The following PAG1 variants were observed in gnomAD, a reference collection of about 807,000 sequenced individuals.
The protein encoded by PAG1 is phosphoprotein associated with glycosphingolipid-enriched microdomains 1.
A neutral mutation model predicts 31.7 loss-of-function variants in PAG1; 23 were observed. That is an observed-to-expected ratio of 0.73 (90% CI 0.52 to 1.03). PAG1 has a LOEUF of 1.03. PAG1 is among the 50% of genes least tolerant of loss of function. The pLI is 0.00. For synonymous variants in PAG1, 214 were observed against 210.3 expected (o/e 1.02, Z -0.15); for missense variants, 473 against 540.7 (o/e 0.87, Z 1.24).
At position 80,987,349 on chromosome 8, in the gene PAG1, T is replaced by C. The variant is rs1807445514; in HGVS notation, c.274+21A>G. ...AGGTGATGAGGCCTGTGTGGAAAGC[T>C]GGTGTTTTTGCAGAACTTACTGTCC... On this transcript the variant is annotated intron_variant, in intron 6 of 8. Coordinates refer to ENST00000220597, the MANE Select transcript of PAG1 (RefSeq NM_018440.4). 5 of 1,482,284 alleles carry C rather than the reference T, an allele frequency of 3.4e-6. No homozygotes were observed. The South Asian group carries it at 3.4e-5, about 10-fold the overall frequency. The allele number at this position is 1,482,284 out of a possible 1,614,324, so 91.8% of individuals were successfully genotyped here. A position where few individuals can be genotyped will look rare whatever the true frequency, so the allele number is the denominator to read the frequency against.
intron 3 of PAG1, among the ~76,000 whole-genome samples, chr8:81,004,327 C>G (rs1035386215): frequency 6.6e-6 from 1 of 152,168 alleles, no homozygotes; most frequent in African/African-American, 2.4e-5. Context: ...ATAAGAGATT[C>G]TGGAAAGCTT....
At chr8:81,072,362 C>T (rs1407824857) in intron 1 of PAG1, among the ~76,000 whole-genome samples, 1 of 152,198 alleles carries the variant, frequency 6.6e-6, no homozygotes, top group African/African-American at 2.4e-5. Context: ...TGCTCTAAAA[C>T]AGGGCTTTCA....
intron 2 of PAG1, among the ~76,000 whole-genome samples, chr8:81,066,585 G>A (rs1297487711): frequency 2.0e-5 from 3 of 152,150 alleles, no homozygotes; most frequent in African/African-American, 4.8e-5. Context: ...AATATGAAGT[G>A]TAAAACCATA....
At chr8:81,045,356 T>C (rs571746569) in intron 2 of PAG1, among the ~76,000 whole-genome samples, 13 of 152,290 alleles carry the variant, frequency 8.5e-5, no homozygotes, top group African/African-American at 2.6e-4. Context: ...AAACTAGATT[T>C]TGCCATCAGC....
intron 1 of PAG1, among the ~76,000 whole-genome samples, chr8:81,094,128 G>A (rs1015288764): frequency 2.0e-5 from 3 of 152,160 alleles, no homozygotes; most frequent in Admixed American, 2.0e-4. Flanking sequence ...ATGTTTTCTT[G>A]TCTTTTTTTG....
At chr8:80,992,177 G>C (rs974938233) in intron 4 of PAG1, among the ~76,000 whole-genome samples, 1 of 152,168 alleles carries the variant, frequency 6.6e-6, no homozygotes, top group Non-Finnish European at 1.5e-5. Context: ...GGGAAGCCCC[G>C]GCCCTGCGGC....
chr8:80,991,809 G>A (rs1807554435), intron 4 of PAG1, among the ~76,000 whole-genome samples: 1 of 151,846 alleles, frequency 6.6e-6, no homozygotes, highest in African/African-American at 2.4e-5. Context: ...ACCGAGGCCT[G>A]GGCCTGCGTA....
chr8:81,034,155 T>C (rs1563637046), intron 2 of PAG1, among the ~76,000 whole-genome samples: 1 of 152,250 alleles, frequency 6.6e-6, no homozygotes, highest in Non-Finnish European at 1.5e-5. Context: ...CCCCACTTGA[T>C]ACTTGAATCC....
chr8:80,974,032 G>C lies in PAG1; in HGVS notation c.*2512C>G, dbSNP rs921474000. On this transcript the variant is annotated 3_prime_UTR_variant, in exon 9 of 9. Transcript: ENST00000220597. ...CTAACCACTGGTTCTCAAATTAAAA[G>C]GTATATTTCAGTGCATATTTCATAG... is the stretch of plus-strand genomic sequence containing the variant. The C allele has an allele frequency of 4.0e-5, 6 of 151,748 alleles. No homozygotes were observed. Among genetic ancestry groups the C allele is most frequent in the Non-Finnish European group, 8.8e-5 (6 of 67,984 alleles). 9.4% of individuals were successfully genotyped at this position (151,748 alleles called of 1,614,324 possible). A position where few individuals can be genotyped will look rare whatever the true frequency, so the allele number is the denominator to read the frequency against.
Position 80,993,937 on chromosome 8 carries a change from C to T in PAG1, c.-80-630G>A, listed in dbSNP as rs527432042. ...TCTTAATGTCTTCAAATAAAGATTT[C>T]AAGTACTCCATAGCAAATAAATCCA... On this transcript the variant is annotated intron_variant, in intron 3 of 8. Coordinates refer to ENST00000220597, the MANE Select transcript of PAG1 (RefSeq NM_018440.4). Among the ~76,000 whole-genome samples the T allele has an allele frequency of 2.0e-5, 3 of 152,180 alleles. No individual in the cohort carries two copies. The South Asian group carries it at 6.2e-4, about 32-fold the overall frequency.
At chr8:81,090,014 A>G (rs1177780580) in intron 1 of PAG1, among the ~76,000 whole-genome samples, 5 of 152,216 alleles carry the variant, frequency 3.3e-5, no homozygotes, top group Non-Finnish European at 5.9e-5. Flanking sequence ...ATGCATTTCA[A>G]TAGTTCTATA....
chr8:81,063,009 T>A (rs1329997260), intron 2 of PAG1, among the ~76,000 whole-genome samples: 1 of 152,058 alleles, frequency 6.6e-6, no homozygotes, highest in East Asian at 1.9e-4. Context: ...AAAGGGAAGA[T>A]GATGAAAAAA....
chr8:81,111,483 TG>T (rs1487979053), intron 1 of PAG1, 107 bp downstream of exon 1: 1 of 152,550 alleles, frequency 6.6e-6, no homozygotes, highest in African/African-American at 2.4e-5. Context: ...CTCCTCGAGC[TG>T]GAACTCTGTT....
rs1374350453 is a variant in PAG1, at chr8:81,112,059, C to G, written c.-702G>C. Reference sequence around the variant, plus strand: ...CCGCAGCCAGCACTCGCCGCCGCGCCGCGGAGAATGACAGGCGCCGAGGCG... The same window carrying G: ...CCGCAGCCAGCACTCGCCGCCGCGCGGCGGAGAATGACAGGCGCCGAGGCG... On this transcript the variant is annotated 5_prime_UTR_variant, in exon 1 of 9. Transcript: ENST00000220597. 3.9e-5 allele frequency: 6 copies of G among 152,146 alleles called. No homozygotes were observed. The highest frequency in any genetic ancestry group is 6.5e-5 in the Admixed American group (1 of 15,272). The allele number at this position is 152,146 out of a possible 1,614,324, so 9.4% of individuals were successfully genotyped here.
chr8:81,026,274 G>T (rs1428734569), intron 3 of PAG1, among the ~76,000 whole-genome samples: 2 of 151,518 alleles, frequency 1.3e-5, no homozygotes, highest in Non-Finnish European at 2.9e-5. Context: ...CTTGAACCTG[G>T]GAAGCAGAGG....
intron 3 of PAG1, among the ~76,000 whole-genome samples, chr8:81,018,878 T>C (rs1808115416): frequency 2.0e-5 from 3 of 152,174 alleles, no homozygotes; most frequent in Admixed American, 6.5e-5. Flanking sequence ...ACTTTGGAAC[T>C]GGGTAACAGG....
chr8:81,044,818 C>T (rs910089337), intron 2 of PAG1, among the ~76,000 whole-genome samples: 2 of 152,126 alleles, frequency 1.3e-5, no homozygotes, highest in Admixed American at 1.3e-4. Flanking sequence ...GGTCCCTCTA[C>T]CTAAATTTGC....
At chr8:81,030,274 A>G (rs1263251493) in intron 2 of PAG1, among the ~76,000 whole-genome samples, 185 bp from the exon 3 acceptor site, 5 of 152,240 alleles carry the variant, frequency 3.3e-5, no homozygotes, top group African/African-American at 1.2e-4. Context: ...AGTAATAATT[A>G]AATAAAAAAA....
chr8:81,010,178 T>C (rs143850815), intron 3 of PAG1, among the ~76,000 whole-genome samples: 2 of 152,326 alleles, frequency 1.3e-5, no homozygotes, highest in African/African-American at 4.8e-5. Context: ...CAGCTCATTG[T>C]TCCTCTTCCC....
Sources: allele counts gnomAD v4.1 joint callset (sites outside exome capture counted in the v4.1 genomes callset), GRCh38; gene constraint gnomAD v4.1.1; transcripts MANE v1.5; gene names NCBI Gene and HGNC (gene_info 2026-07-23, HGNC 2026-07-21).